Variants in CSMD3 observed in about 807,000 individuals in gnomAD.
CSMD3 encodes the protein CUB and sushi domain-containing protein 3.
CSMD3 carries 177 observed loss-of-function variants against 435.2 expected under a neutral mutation model. That is an observed-to-expected ratio of 0.41 (90% confidence interval 0.36 to 0.46). The LOEUF is 0.46. CSMD3 is among the 20% of genes least tolerant of loss of function. The pLI is 0.34. For missense variants in CSMD3, 4,265 were observed against 4,504.6 expected (o/e 0.95, Z 1.52); for synonymous variants, 1,656 against 1,520.5 (o/e 1.09, Z -2.07).
At chr8:112,247,193 A>C in intron 63 of CSMD3, 62 bp from the exon 64 acceptor site, 1 of 988,354 alleles carries the variant, frequency 1.0e-6, no homozygotes, top group South Asian at 1.3e-5. Flanking sequence ...GGCAACAAAC[A>C]GAGCTTGAGT....
At chr8:112,461,178 T>C (rs886843922) in intron 32 of CSMD3, among the ~76,000 whole-genome samples, 2 of 152,128 alleles carry the variant, frequency 1.3e-5, no homozygotes, top group South Asian at 2.1e-4. Flanking sequence ...CGTTATACTA[T>C]CCTAAAACAT....
intron 1 of CSMD3, among the ~76,000 whole-genome samples, chr8:113,366,542 C>T (rs1049441702): frequency 1.3e-5 from 2 of 152,050 alleles, no homozygotes; most frequent in Non-Finnish European, 2.9e-5. Context: ...CATCTTCCAA[C>T]ACCGCCAGTG....
rs368734498 is a variant in CSMD3, at chr8:113,362,739, T to C, written c.179-47946A>G. On this transcript the variant is annotated intron_variant, in intron 1 of 70. Coordinates refer to ENST00000297405, the MANE Select transcript of CSMD3 (RefSeq NM_198123.2). ...TAACTGTCCCCACTCAATATCACAC[T>C]TTAGTTTGAAGGAGAAAAGCAGTAA... 7.9e-5 allele frequency among the ~76,000 whole-genome samples: 12 copies of C among 152,276 alleles called. No individual in the cohort carries two copies. In the East Asian group the frequency reaches 2.1e-3, roughly 27 times the overall value.
chr8:112,757,219 G>A (rs1391624802), intron 13 of CSMD3, among the ~76,000 whole-genome samples: 5 of 152,044 alleles, frequency 3.3e-5, no homozygotes, highest in Admixed American at 3.3e-4. Flanking sequence ...TTGATCTATG[G>A]AAAGCTTTTT....
At chr8:112,972,811 T>A (rs1453340577) in intron 7 of CSMD3, among the ~76,000 whole-genome samples, 1 of 151,898 alleles carries the variant, frequency 6.6e-6, no homozygotes, top group Non-Finnish European at 1.5e-5. Flanking sequence ...ACCCACCCAC[T>A]CCTTATCCTC....
At chr8:112,799,878 T>C (rs1246529690) in intron 13 of CSMD3, among the ~76,000 whole-genome samples, 1 of 151,960 alleles carries the variant, frequency 6.6e-6, no homozygotes, top group Non-Finnish European at 1.5e-5. Context: ...ATGTCTATTT[T>C]GGGGAAGGCT....
At chr8:113,034,719 A>G (rs2087265731) in intron 5 of CSMD3, among the ~76,000 whole-genome samples, 1 of 152,186 alleles carries the variant, frequency 6.6e-6, no homozygotes, top group Non-Finnish European at 1.5e-5. Context: ...TCAGAAATAC[A>G]TAATGGATTA....
At chr8:112,245,310 G>A (rs1036139599) in intron 64 of CSMD3, among the ~76,000 whole-genome samples, 5 of 151,936 alleles carry the variant, frequency 3.3e-5, no homozygotes, top group African/African-American at 1.2e-4. Flanking sequence ...TTCTCCGTCA[G>A]AGATAAATGC....
At chr8:112,630,553 A>G (rs1007694774) in intron 22 of CSMD3, among the ~76,000 whole-genome samples, 1 of 152,108 alleles carries the variant, frequency 6.6e-6, no homozygotes, top group Non-Finnish European at 1.5e-5. Context: ...TTATGCTACT[A>G]TGTTAATCTT....
intron 13 of CSMD3, among the ~76,000 whole-genome samples, chr8:112,704,451 C>T (rs938810180): frequency 6.6e-6 from 1 of 152,064 alleles, no homozygotes; most frequent in African/African-American, 2.4e-5. Context: ...GCTCTTAGAT[C>T]GCAAATTTAC....
intron 32 of CSMD3, among the ~76,000 whole-genome samples, chr8:112,443,530 G>T (rs569163090): frequency 6.6e-6 from 1 of 152,100 alleles, no homozygotes; most frequent in Non-Finnish European, 1.5e-5. Context: ...CTGTACAGGG[G>T]TGCAGCCTAT....
At chr8:112,528,393 A>T (rs1330314034) in intron 27 of CSMD3, among the ~76,000 whole-genome samples, 1 of 151,788 alleles carries the variant, frequency 6.6e-6, no homozygotes, top group Non-Finnish European at 1.5e-5. Flanking sequence ...ACAGTAAACC[A>T]GGATTCAAAC....
intron 2 of CSMD3, among the ~76,000 whole-genome samples, chr8:113,281,375 A>G (rs1174374343): frequency 6.6e-6 from 1 of 151,674 alleles, no homozygotes; most frequent in East Asian, 1.9e-4. Flanking sequence ...TATGTTTAGG[A>G]TTGTCATATT....
At chr8:112,874,163 T>C (rs1374620842) in intron 10 of CSMD3, among the ~76,000 whole-genome samples, 3 of 152,178 alleles carry the variant, frequency 2.0e-5, no homozygotes, top group African/African-American at 7.2e-5. Context: ...AATTTTGTTA[T>C]TTACCCAGTA....
rs767598421 is a variant in CSMD3, at chr8:113,314,732, A to T, written c.240T>A (p.Gly80=). 6.2e-7 allele frequency: 1 copy of T among 1,613,098 alleles called. No individual in the cohort carries two copies. The highest frequency in any genetic ancestry group is 8.5e-7 in the Non-Finnish European group (1 of 1,179,434). Residue 80 remains glycine (G), a synonymous_variant, in exon 2 of 71, where the codon GGT becomes GGA. Coordinates refer to ENST00000297405, the MANE Select transcript of CSMD3 (RefSeq NM_198123.2). ...CACCATTTGGATATCCATATGGAAAACCAGGGCTTTCTATAGTGCCATTAA... is the reference window on the plus strand; with the variant it reads ...CACCATTTGGATATCCATATGGAAATCCAGGGCTTTCTATAGTGCCATTAA... ...KGLNGTIESP[G]FPYGYPNGAN...
intron 13 of CSMD3, among the ~76,000 whole-genome samples, chr8:112,756,930 A>G (rs2077714983): frequency 1.3e-5 from 2 of 151,838 alleles, no homozygotes; most frequent in Non-Finnish European, 2.9e-5. Context: ...CACCATGCCC[A>G]GCTAATTTTT....
At chr8:112,410,844 C>T (rs556120726) in intron 32 of CSMD3, among the ~76,000 whole-genome samples, 20 of 147,886 alleles carry the variant, frequency 1.4e-4, no homozygotes, top group Non-Finnish European at 1.8e-4. Flanking sequence ...ACAAAGTAGC[C>T]GGAAAAAAGA....
At chr8:113,071,827 A>T (rs1279072959) in intron 5 of CSMD3, among the ~76,000 whole-genome samples, 1 of 151,650 alleles carries the variant, frequency 6.6e-6, no homozygotes, top group East Asian at 1.9e-4. Flanking sequence ...AATTTTATGA[A>T]TTTTTTTCCA....
chr8:113,008,746 T>C (rs1439399165), intron 6 of CSMD3, among the ~76,000 whole-genome samples: 1 of 151,592 alleles, frequency 6.6e-6, no homozygotes, highest in Non-Finnish European at 1.5e-5. Context: ...TATATATTGA[T>C]ATAACATTCC....
Sources: allele counts gnomAD v4.1 joint callset (sites outside exome capture counted in the v4.1 genomes callset), GRCh38; gene constraint gnomAD v4.1.1; transcripts MANE v1.5; gene names NCBI Gene and HGNC (gene_info 2026-07-23, HGNC 2026-07-21).